The following QTGAL variants were observed in gnomAD, a reference collection of about 807,000 sequenced individuals.
The protein encoded by QTGAL is queuosine-tRNA galactosyltransferase, also known as BGnT-like protein 1.
the QTGAL span, among the ~76,000 whole-genome samples, chr17:82,955,027 GA>G: frequency 4.6e-5 from 7 of 152,302 alleles, no homozygotes; most frequent in African/African-American, 1.7e-4. Flanking sequence ...TACCCTACAT[GA>G]AAACCTAGGC....
chr17:82,961,039 C>T, the QTGAL span: 20 of 1,600,068 alleles, frequency 1.2e-5, no homozygotes, highest in Admixed American at 3.4e-5. Flanking sequence ...GTCCCGGGGC[C>T]GGGCGGGGCT....
the QTGAL span, among the ~76,000 whole-genome samples, chr17:83,026,469 G>C: frequency 6.6e-6 from 1 of 152,264 alleles, no homozygotes; most frequent in Non-Finnish European, 1.5e-5. Flanking sequence ...GCAGAGGACA[G>C]ATACACAGAG....
chr17:83,043,607 T>A, the QTGAL span, among the ~76,000 whole-genome samples: 1 of 151,418 alleles, frequency 6.6e-6, no homozygotes, highest in Non-Finnish European at 1.5e-5. Context: ...CTTAAGAAGC[T>A]AGAAAAAGAA....
the QTGAL span, among the ~76,000 whole-genome samples, chr17:82,977,383 C>T: frequency 1.3e-5 from 2 of 152,058 alleles, no homozygotes; most frequent in South Asian, 2.1e-4. Flanking sequence ...TGACTGAGGT[C>T]GGGTCTGGGG....
At chr17:82,958,906 T>C in the QTGAL span, among the ~76,000 whole-genome samples, 10 of 101,808 alleles carry the variant, frequency 9.8e-5, 1 homozygote, top group African/African-American at 2.7e-4. Flanking sequence ...TGTGTGTGTA[T>C]ACTGTGTGGG....
chr17:82,976,931 A>T, the QTGAL span, among the ~76,000 whole-genome samples: 1 of 49,606 alleles, frequency 2.0e-5, no homozygotes, highest in Admixed American at 2.4e-4. Context: ...GCTGGAGGCC[A>T]CTTATGGGGA....
At chr17:82,943,370 C>T in the QTGAL span, 1 of 152,254 alleles carries the variant, frequency 6.6e-6, no homozygotes, top group Non-Finnish European at 1.5e-5. Context: ...GTGCTGTGCT[C>T]ATAGGGCTTG....
chr17:82,970,565 TCCGCACCCGGCGTGGCCGC>T, the QTGAL span, among the ~76,000 whole-genome samples: 23 of 128,282 alleles, frequency 1.8e-4, 1 homozygote, highest in South Asian at 9.1e-4. Context: ...GGCCGCGACC[TCCGCACCCGGCGTGGCCGC>T]GACCTCCGCA....
At chr17:83,045,231 A>T in the QTGAL span, among the ~76,000 whole-genome samples, 4 of 152,250 alleles carry the variant, frequency 2.6e-5, no homozygotes, top group African/African-American at 9.6e-5. Context: ...TGGCGTAAGG[A>T]CAGACATATA....
At chr17:82,961,215 G>A in the QTGAL span, 1 of 1,594,334 alleles carries the variant, frequency 6.3e-7, no homozygotes, top group Non-Finnish European at 8.5e-7. Context: ...CATCACTGGG[G>A]CCCCAGAAAC....
the QTGAL span, among the ~76,000 whole-genome samples, chr17:83,049,864 G>A: frequency 6.6e-6 from 1 of 152,076 alleles, no homozygotes; most frequent in African/African-American, 2.4e-5. Flanking sequence ...GAAATTCAAT[G>A]CCAACAAAAC....
At chr17:82,969,531 C>T in the QTGAL span, among the ~76,000 whole-genome samples, 3 of 151,072 alleles carry the variant, frequency 2.0e-5, no homozygotes, top group African/African-American at 7.3e-5. Flanking sequence ...TAAAGCCCAG[C>T]GTGGTGGTGC....
the QTGAL span, chr17:82,944,366 A>C: frequency 6.6e-6 from 1 of 152,198 alleles, no homozygotes; most frequent in Non-Finnish European, 1.5e-5. Flanking sequence ...TCTGGAGCCC[A>C]CCAGGGTCCA....
chr17:83,025,834 G>A, the QTGAL span, among the ~76,000 whole-genome samples: 208 of 152,360 alleles, frequency 1.4e-3, 1 homozygote, highest in Admixed American at 2.7e-3. Context: ...GGTGCCAGTC[G>A]TGTCCGGGTG....
chr17:82,964,794 C>T, the QTGAL span, among the ~76,000 whole-genome samples: 6 of 69,876 alleles, frequency 8.6e-5, no homozygotes, highest in Admixed American at 1.6e-4. Flanking sequence ...TGCACCCCCA[C>T]GGGGGGATGG....
the QTGAL span, among the ~76,000 whole-genome samples, chr17:82,992,503 T>G: frequency 1.3e-5 from 2 of 152,116 alleles, no homozygotes; most frequent in Admixed American, 1.3e-4. Flanking sequence ...ATAAAGACTT[T>G]CCCAGACAAA....
chr17:82,942,395 G>T, the QTGAL span: 15 of 1,613,366 alleles, frequency 9.3e-6, no homozygotes, highest in Non-Finnish European at 1.3e-5. Flanking sequence ...CCCCTGGCTG[G>T]GAATGGTGTG....
chr17:82,981,860 T>C, the QTGAL span: 1 of 152,298 alleles, frequency 6.6e-6, no homozygotes, highest in Non-Finnish European at 1.5e-5. Flanking sequence ...TTTTGTGTAT[T>C]ATATACCGTA....
At chr17:83,009,157 C>T in the QTGAL span, among the ~76,000 whole-genome samples, 2 of 152,030 alleles carry the variant, frequency 1.3e-5, no homozygotes, top group Non-Finnish European at 2.9e-5. Context: ...GGCGCAGTGG[C>T]TCACACCTGT....
Sources: allele counts gnomAD v4.1 joint callset (sites outside exome capture counted in the v4.1 genomes callset), GRCh38; gene constraint gnomAD v4.1.1; transcripts MANE v1.5; gene names NCBI Gene and HGNC (gene_info 2026-07-23, HGNC 2026-07-21).